Variants in ZNF451 observed in about 807,000 individuals in gnomAD.
ZNF451 encodes the protein zinc finger protein 451, also known as E3 SUMO-protein ligase ZNF451.
In ZNF451, 80 loss-of-function variants were observed where a neutral mutation model predicts 107.1. The ratio of observed to expected loss-of-function variants is 0.75; its 90% CI spans 0.62 to 0.90. The LOEUF (loss-of-function observed/expected upper bound fraction) is 0.90, where lower values mean the gene tolerates loss of function less well. Among genes scored for constraint, ZNF451 ranks in the 40% least tolerant of loss-of-function variants. The pLI, the probability that ZNF451 is intolerant of heterozygous loss-of-function variation, is 0.00. For missense variants in ZNF451, 1,107 were observed against 1,236.2 expected, an observed-to-expected ratio of 0.90 and a Z score of 1.57; for synonymous variants, 362 against 406.5, an observed-to-expected ratio of 0.89 and a Z score of 1.32.
chr6:57,126,896 G>GA, intron 4 of ZNF451, among the ~76,000 whole-genome samples: 1 of 152,050 alleles, frequency 6.6e-6, no homozygotes, highest in East Asian at 1.9e-4. Context: ...CAGAGAACTT[G>GA]AAAAAAAGAT....
chr6:57,095,065 T>TC (rs1483175933), intron 2 of ZNF451, among the ~76,000 whole-genome samples: 1 of 152,204 alleles, frequency 6.6e-6, no homozygotes, highest in Non-Finnish European at 1.5e-5. Flanking sequence ...ATGTTTTACT[T>TC]CCGTAAGCTC....
chr6:57,126,036 G>A (rs190457776), intron 4 of ZNF451, among the ~76,000 whole-genome samples: 2 of 152,158 alleles, frequency 1.3e-5, no homozygotes, highest in Admixed American at 1.3e-4. Context: ...AGTGATGCTA[G>A]CTTCTTTTCC....
intron 2 of ZNF451, among the ~76,000 whole-genome samples, chr6:57,098,799 T>G (rs997663865): frequency 1.3e-5 from 2 of 152,200 alleles, no homozygotes; most frequent in African/African-American, 4.8e-5. Context: ...TTATATTAAT[T>G]TTCCTTTCCC....
chr6:57,124,231 C>T (rs1304969905), intron 3 of ZNF451, among the ~76,000 whole-genome samples: 1 of 152,098 alleles, frequency 6.6e-6, no homozygotes, highest in Non-Finnish European at 1.5e-5. Context: ...TTGTTAAATG[C>T]TTTTTCTGCA....
intron 3 of ZNF451, chr6:57,106,611 ATTT>A (rs75440505): frequency 3.9e-4 from 365 of 936,784 alleles, no homozygotes; most frequent in South Asian, 7.5e-4. Context: ...TGGCTGTGAA[ATTT>A]TTTTTTTTTT....
Position 57,147,392 on chromosome 6 carries a change from C to T in ZNF451, c.1307C>T (p.Ser436Phe), listed in dbSNP as rs762531911. The change falls in exon 10 of 15, where the codon TCT becomes TTT. Residue 436 changes from serine to phenylalanine, a missense_variant. This residue lies in a region of ZNF451 where 608 missense variants were observed against 649.2 expected (regional missense o/e 0.94). Transcript: ENST00000370706. ...AAAAGAACCATGTCTATTAAAGAAT[C>T]TAGCTCACTGGAGTGCATTGCCATT... ...SLKRTMSIKE[S>F]SSLECIAIPK... 7 of 1,614,068 alleles carry T rather than the reference C, an allele frequency of 4.3e-6. No individual in the cohort carries two copies. The highest frequency in any genetic ancestry group is 1.7e-5 in the Admixed American group (1 of 60,006).
chr6:57,094,259 G>T (rs1323765088), intron 2 of ZNF451, among the ~76,000 whole-genome samples: 3 of 152,044 alleles, frequency 2.0e-5, no homozygotes, highest in African/African-American at 7.2e-5. Context: ...CCCCTAAATT[G>T]TGTGGTATTG....
intron 2 of ZNF451, among the ~76,000 whole-genome samples, chr6:57,096,767 C>CTTTTTT (rs772840052): frequency 2.5e-5 from 2 of 79,932 alleles, no homozygotes; most frequent in Non-Finnish European, 5.0e-5. Flanking sequence ...AATTTTCAGT[C>CTTTTTT]TTTTTTTTTT....
rs76395851 is a variant in ZNF451, at chr6:57,130,393, T to C, written c.424+1553T>C. Among the ~76,000 whole-genome samples, 506 of 152,302 alleles carry C rather than the reference T, an allele frequency of 3.3e-3. 20 individuals carry two copies. The East Asian group carries it at 0.072, about 22-fold the overall frequency. On this transcript the variant is annotated intron_variant, in intron 5 of 14. Coordinates refer to ENST00000370706, the MANE Select transcript of ZNF451 (RefSeq NM_001031623.3). ...CATTCTTCTCAGTGGAAGAAGTTAA[T>C]GACTAGCTCAGTGGTGTCATCTTTG...
intron 5 of ZNF451, among the ~76,000 whole-genome samples, chr6:57,131,343 A>G (rs1041292326): frequency 1.3e-5 from 2 of 152,080 alleles, no homozygotes; most frequent in Admixed American, 6.6e-5. Flanking sequence ...TTGCCTTTCC[A>G]TGGGGAAGCC....
At chr6:57,134,297 T>G (rs2127967701) in intron 6 of ZNF451, 1 of 154,262 alleles carries the variant, frequency 6.5e-6, no homozygotes, top group Middle Eastern at 3.4e-3. Context: ...TAATGCAGAT[T>G]TATTAAATGG....
intron 11 of ZNF451, 38 bp downstream of exon 11, chr6:57,150,900 C>A: frequency 6.2e-7 from 1 of 1,611,364 alleles, no homozygotes; most frequent in Non-Finnish European, 8.5e-7. Context: ...AACTTTTTCC[C>A]ACCTCTTAGA....
At chr6:57,159,595 G>C (rs921277818) in intron 13 of ZNF451, 1 of 149,342 alleles carries the variant, frequency 6.7e-6, no homozygotes, top group African/African-American at 2.8e-5. Flanking sequence ...TGTATTTTAT[G>C]TGTGGCCCAA....
At chr6:57,160,358 G>C (rs964500888) in intron 13 of ZNF451, among the ~76,000 whole-genome samples, 1 of 151,372 alleles carries the variant, frequency 6.6e-6, no homozygotes, top group African/African-American at 2.4e-5. Context: ...TTTGAGACAG[G>C]GTCCCACTCT....
chr6:57,096,245 G>T (rs9367708), intron 2 of ZNF451, among the ~76,000 whole-genome samples: 1 of 142,200 alleles, frequency 7.0e-6, no homozygotes, highest in African/African-American at 2.7e-5. Context: ...AGTGCAGTGG[G>T]ACAGTCTTGG....
chr6:57,154,045 A>G lies in ZNF451; in HGVS notation c.3068A>G (p.Lys1023Arg), dbSNP rs967897082. Residue 1023 changes from lysine to arginine, a missense_variant and splice_region_variant, in exon 13 of 15, where the codon AAA becomes AGA. Lys to Arg is a conservative substitution (Grantham distance 26, BLOSUM62 2). Around this residue, in one of 5 missense-constraint regions of ZNF451, gnomAD observed 151 missense variants for 173.3 expected, o/e 0.87. Coordinates refer to ENST00000370706, the MANE Select transcript of ZNF451 (RefSeq NM_001031623.3). ...TTAAATAGCATATCTGATACCACCA[A>G]AGGTACGCAGCTGCAGTCACAGTGC... is the stretch of plus-strand genomic sequence containing the variant. ...ALLNSISDTTKECDSDDNMGA... is the reference protein window; with the variant it reads ...ALLNSISDTTRECDSDDNMGA... The G allele has an allele frequency of 6.2e-7, 1 of 1,613,958 alleles. No individual in the cohort carries two copies. Among genetic ancestry groups the G allele is most frequent in the East Asian group, 2.2e-5 (1 of 44,892 alleles).
chr6:57,135,048 A>G (rs897494791), intron 7 of ZNF451, among the ~76,000 whole-genome samples, 178 bp downstream of exon 7: 8 of 152,126 alleles, frequency 5.3e-5, no homozygotes, highest in Non-Finnish European at 8.8e-5. Flanking sequence ...AGGCAGGTAA[A>G]CTTGATACCT....
intron 3 of ZNF451, among the ~76,000 whole-genome samples, chr6:57,122,307 A>G (rs1025432605): frequency 6.6e-6 from 1 of 152,218 alleles, no homozygotes; most frequent in Non-Finnish European, 1.5e-5. Context: ...TCTTCTAGAC[A>G]TTGACTTAGG....
intron 3 of ZNF451, chr6:57,108,926 G>T (rs1829992762): frequency 1.0e-6 from 1 of 985,402 alleles, no homozygotes; most frequent in South Asian, 4.7e-5. Flanking sequence ...ACTTTTTCCA[G>T]TCTCAATTCA....
Sources: gnomAD v4.1 joint callset for allele counts (sites outside exome capture counted in the v4.1 genomes callset) on GRCh38, gnomAD v4.1.1 for gene constraint, gnomAD v4.1.1 regional missense constraint, MANE v1.5 for transcripts, NCBI Gene and HGNC (gene_info 2026-07-23, HGNC 2026-07-21) for gene names.